MMP28: variants seen among roughly 807,000 people sequenced by gnomAD.
MMP28 encodes matrix metallopeptidase 28, also known as matrix metalloproteinase-28.
In MMP28, 55 loss-of-function variants were observed where a neutral mutation model predicts 60.5. The ratio of observed to expected loss-of-function variants is 0.91; its 90% CI spans 0.73 to 1.14. The LOEUF is 1.14. Among genes scored for constraint, MMP28 ranks in the 50% most tolerant of loss-of-function variants. MMP28 has a pLI of 0.00. For synonymous variants in MMP28, 318 were observed against 312.5 expected (o/e 1.02, Z -0.18); for missense variants, 686 against 738.3 (o/e 0.93, Z 0.82).
chr17:35,764,667 AC>A (rs2085900603), downstream of MMP28: 1 of 1,511,136 alleles, frequency 6.6e-7, no homozygotes, highest in African/African-American at 1.5e-5. Flanking sequence ...CTGGCCCCAG[AC>A]CCCCTACCGA....
chr17:35,756,640 G>A (rs2085741515), intron 2 of MMP28, among the ~76,000 whole-genome samples: 2 of 151,722 alleles, frequency 1.3e-5, no homozygotes, highest in Admixed American at 1.3e-4. Flanking sequence ...GGCTAATTTT[G>A]TATTTTTAGT....
chr17:35,779,142 C>T, intron 2 of MMP28, 67 bp from the exon 3 acceptor site: 2 of 1,578,098 alleles, frequency 1.3e-6, no homozygotes, highest in East Asian at 4.6e-5. Context: ...AGTCTGCCTC[C>T]CTGGGGTGTA....
Position 35,789,526 on chromosome 17 carries a change from TA to T in MMP28, c.111+5740del, listed in dbSNP as rs542607214. Among the ~76,000 whole-genome samples the T allele has an allele frequency of 2.6e-3, 395 of 152,350 alleles. 1 individual carries two copies. The highest frequency in any genetic ancestry group is 4.0e-3 in the Non-Finnish European group (274 of 68,044). On this transcript the variant is annotated intron_variant, in intron 1 of 7. Transcript: ENST00000605424. The stretch of plus-strand genomic sequence containing the variant: ...TTTCTTCTTTCTTACTATAGGAATT[TA>T]AAGCTGTGAATTTCATTTAAAGCAC...
At position 35,779,017 on chromosome 17, in the gene MMP28, G is replaced by A. The variant is rs375923654; in HGVS notation, c.250C>T (p.Arg84Cys). 34 of 1,613,936 alleles carry A rather than the reference G, an allele frequency of 2.1e-5. No individual in the cohort carries two copies. The East Asian group carries it at 2.7e-4, about 13-fold the overall frequency. The change falls in exon 3 of 8, where the codon CGC becomes TGC. Residue 84 changes from arginine (R) to cysteine (C), a missense_variant. Coordinates refer to ENST00000605424, the MANE Select transcript of MMP28 (RefSeq NM_024302.5). Reference protein sequence around the residue: ...VSGVLDRATLRQMTRPRCGVT... With the variant: ...VSGVLDRATLCQMTRPRCGVT... ...CCGCAGCGGGGACGAGTCATCTGGC[G>A]CAGGGTGGCGCGGTCCAACACGCCG...
At chr17:35,770,601 T>C (rs2086102325) in intron 4 of MMP28, among the ~76,000 whole-genome samples, 1 of 152,230 alleles carries the variant, frequency 6.6e-6, no homozygotes. Flanking sequence ...TACAATCTAC[T>C]AGCTGTATGA....
At chr17:35,791,789 C>A (rs1166733298) in intron 1 of MMP28, among the ~76,000 whole-genome samples, 1 of 152,142 alleles carries the variant, frequency 6.6e-6, no homozygotes, top group Non-Finnish European at 1.5e-5. Context: ...TGTTCTCAAT[C>A]ACATAGCAGC....
At chr17:35,758,039 C>A (rs969803986) in intron 2 of MMP28, 1 of 152,130 alleles carries the variant, frequency 6.6e-6, no homozygotes, top group Non-Finnish European at 1.5e-5. Flanking sequence ...AGTTAAGGAG[C>A]TATTTATACT....
At chr17:35,789,981 C>T (rs1015239328) in intron 1 of MMP28, among the ~76,000 whole-genome samples, 1 of 150,042 alleles carries the variant, frequency 6.7e-6, no homozygotes, top group African/African-American at 2.5e-5. Flanking sequence ...AGGCTAGTCT[C>T]GAATTCCTGA....
downstream of MMP28, among the ~76,000 whole-genome samples, chr17:35,763,626 G>GCC (rs1313209476): frequency 1.3e-5 from 2 of 151,840 alleles, no homozygotes; most frequent in Admixed American, 6.6e-5. Context: ...GCCGGGTGCA[G>GCC]TGACTCACGC....
chr17:35,763,268 CA>C (rs1199377540), downstream of MMP28, among the ~76,000 whole-genome samples: 179 of 146,210 alleles, frequency 1.2e-3, no homozygotes, highest in African/African-American at 3.3e-3. Flanking sequence ...GACCCTGTCT[CA>C]AAAAAAAAAA....
rs1555608682 is a variant in MMP28 at position 35,779,314 on chromosome 17, C to G, written c.121G>C (p.Glu41Gln). ...TGTTCATTGAGGTATCCGTACTTCT[C>G]TAGGAATGCCTGCGGGAGAGAGGAA... is the stretch of plus-strand genomic sequence containing the variant. ...ELRKEAEAFL[E>Q]KYGYLNEQVP... The change falls in exon 2 of 8, where the codon GAG becomes CAG. Residue 41 changes from glutamate to glutamine, a missense_variant. Transcript: ENST00000605424. 2 of 1,612,328 alleles carry G rather than the reference C, an allele frequency of 1.2e-6. No homozygotes were observed. The highest frequency in any genetic ancestry group is 1.1e-5 in the South Asian group (1 of 90,564).
chr17:35,757,389 T>A (rs1196344610), intron 2 of MMP28: 1 of 152,102 alleles, frequency 6.6e-6, no homozygotes, highest in Admixed American at 6.6e-5. Context: ...TTCTGAGAAG[T>A]CTCTGCCATT....
chr17:35,773,679 G>T (rs1317060632), intron 3 of MMP28, among the ~76,000 whole-genome samples: 2 of 152,216 alleles, frequency 1.3e-5, no homozygotes, highest in African/African-American at 2.4e-5. Context: ...AGGGGAAGCA[G>T]CCTCTGCCCA....
intron 1 of MMP28, among the ~76,000 whole-genome samples, chr17:35,794,844 C>A (rs1197682589): frequency 6.6e-6 from 1 of 152,196 alleles, no homozygotes; most frequent in Non-Finnish European, 1.5e-5. Flanking sequence ...GGCCAGGAAG[C>A]CAGCGCTGTG....
At chr17:35,786,788 A>G (rs1020655854) in intron 1 of MMP28, among the ~76,000 whole-genome samples, 1 of 152,072 alleles carries the variant, frequency 6.6e-6, no homozygotes, top group Non-Finnish European at 1.5e-5. Context: ...CAGGAGCACA[A>G]TAAGCCCAGG....
intron 4 of MMP28, among the ~76,000 whole-genome samples, chr17:35,771,422 C>T (rs2086134453): frequency 8.3e-6 from 1 of 120,098 alleles, no homozygotes; most frequent in African/African-American, 3.5e-5. Flanking sequence ...CAAAGCGAGA[C>T]TCTGTCTCAA....
chr17:35,762,550 G>A (rs2085841455), downstream of MMP28, among the ~76,000 whole-genome samples: 1 of 152,152 alleles, frequency 6.6e-6, no homozygotes, highest in Admixed American at 6.5e-5. Context: ...CCAGCAAGAG[G>A]GGACAGTGGT....
intron 1 of MMP28, among the ~76,000 whole-genome samples, chr17:35,790,060 CTTTT>C (rs56405134): frequency 1.0e-4 from 7 of 66,940 alleles, no homozygotes; most frequent in Non-Finnish European, 1.7e-4. Context: ...CCGCACCTGG[CTTTT>C]TTTTTTTTTT....
downstream of MMP28, among the ~76,000 whole-genome samples, chr17:35,762,270 A>G (rs782101904): frequency 6.6e-6 from 1 of 152,136 alleles, no homozygotes; most frequent in Non-Finnish European, 1.5e-5. Context: ...GATTACAGGC[A>G]TGAGCCACCG....
Sources: allele counts gnomAD v4.1 joint callset (sites outside exome capture counted in the v4.1 genomes callset), GRCh38; gene constraint gnomAD v4.1.1; transcripts MANE v1.5; gene names NCBI Gene and HGNC (gene_info 2026-07-23, HGNC 2026-07-21).